GLIS3: variants seen among roughly 807,000 people sequenced by gnomAD.
GLIS3 encodes the protein GLIS family zinc finger 3.
In GLIS3, 53 loss-of-function variants were observed where a neutral mutation model predicts 78.6. That is an observed-to-expected ratio of 0.67 (90% CI 0.54 to 0.85). The LOEUF (loss-of-function observed/expected upper bound fraction) is 0.85, where lower values mean the gene tolerates loss of function less well. GLIS3 is among the 40% of genes least tolerant of loss of function. The pLI, the probability that GLIS3 is intolerant of heterozygous loss-of-function variation, is 0.00. For missense variants in GLIS3, 1,703 were observed against 1,231.1 expected (o/e 1.38, Z -5.74); for synonymous variants, 684 against 509.9 (o/e 1.34, Z -4.60).
In GLIS3 at chr9:3,935,178, C is replaced by A. The variant is rs571046565; in HGVS notation, c.1872+1850G>T. 6.6e-5 allele frequency among the ~76,000 whole-genome samples: 10 copies of A among 152,174 alleles called. No individual in the cohort carries two copies. In the South Asian group the frequency reaches 2.1e-3, roughly 32 times the overall value. ...AGGACCTAAATTTAAATAACAAATT[C>A]TTCAAGCAAGTATAGTTTGTTTTTA... On this transcript the variant is annotated intron_variant, in intron 5 of 10. Transcript: ENST00000381971.
the GLIS3 span, among the ~76,000 whole-genome samples, chr9:4,429,841 G>A: frequency 3.3e-5 from 5 of 152,040 alleles, no homozygotes; most frequent in Non-Finnish European, 7.4e-5. Flanking sequence ...GAAGATGAGA[G>A]CCTGAAACTA....
chr9:4,287,179 A>C (rs6476837), intron 1 of GLIS3, among the ~76,000 whole-genome samples: 141,227 of 152,208 alleles, frequency 0.93, 66,037 homozygotes, highest in Non-Finnish European at 0.98. Flanking sequence ...AGAATCAACA[A>C]CAGGATACTG....
At chr9:4,392,081 G>C in the GLIS3 span, among the ~76,000 whole-genome samples, 1 of 152,168 alleles carries the variant, frequency 6.6e-6, no homozygotes, top group Admixed American at 6.6e-5. Context: ...CAAGGAATGA[G>C]ATCATGTCCT....
intron 9 of GLIS3, among the ~76,000 whole-genome samples, chr9:3,850,418 TA>T (rs1819356409): frequency 6.6e-6 from 1 of 152,246 alleles, no homozygotes; most frequent in African/African-American, 2.4e-5. Context: ...CTTCTCTTGC[TA>T]TTCCAGCTTT....
intron 2 of GLIS3, among the ~76,000 whole-genome samples, chr9:4,222,907 CG>C (rs1204845368): frequency 1.3e-5 from 2 of 152,136 alleles, no homozygotes; most frequent in Non-Finnish European, 2.9e-5. Context: ...GCAGAGGGAA[CG>C]GGGAATAATG....
chr9:4,348,234 G>C (rs142147890), exon 1 of GLIS3: 39 of 152,250 alleles, frequency 2.6e-4, no homozygotes, highest in African/African-American at 6.7e-4. Context: ...TTTCTTACCT[G>C]AAAGAAATTC....
the GLIS3 span, among the ~76,000 whole-genome samples, chr9:4,443,960 T>G: frequency 1.3e-5 from 2 of 152,308 alleles, no homozygotes; most frequent in South Asian, 2.1e-4. Flanking sequence ...ACAGGTTATA[T>G]CCCATGCTTC....
At position 3,979,339 on chromosome 9, in the gene GLIS3, G is replaced by C. The variant is rs1166364179; in HGVS notation, c.1711-42150C>G. 2.6e-5 allele frequency among the ~76,000 whole-genome samples: 4 copies of C among 152,292 alleles called. No individual in the cohort carries two copies. In the South Asian group the frequency reaches 6.2e-4, roughly 24 times the overall value. On this transcript the variant is annotated intron_variant, in intron 4 of 10. Transcript: ENST00000381971. Reference sequence around the variant, plus strand: ...CCCTCACTGTTCTGGTCAACCTTCAGTGGTGTAGCCAAAGTTGTATTGACT... The same window carrying C: ...CCCTCACTGTTCTGGTCAACCTTCACTGGTGTAGCCAAAGTTGTATTGACT...
chr9:4,037,300 T>G (rs1450782202), intron 4 of GLIS3, among the ~76,000 whole-genome samples: 1 of 152,162 alleles, frequency 6.6e-6, no homozygotes, highest in Non-Finnish European at 1.5e-5. Flanking sequence ...ATTCTGTCAC[T>G]TCCTAGCTTT....
intron 4 of GLIS3, among the ~76,000 whole-genome samples, chr9:4,090,955 G>C (rs1291087916): frequency 2.0e-5 from 3 of 152,140 alleles, no homozygotes; most frequent in African/African-American, 7.2e-5. Context: ...TCTAACTTAG[G>C]TAAGTTCCTT....
intron 2 of GLIS3, among the ~76,000 whole-genome samples, chr9:4,336,195 G>A (rs928921421): frequency 6.6e-6 from 1 of 152,154 alleles, no homozygotes; most frequent in African/African-American, 2.4e-5. Context: ...CCTAATCTTG[G>A]GAGTCTCCAA....
rs79196238 is a variant in GLIS3, at chr9:3,966,486, T to C, written c.1711-29297A>G. On this transcript the variant is annotated intron_variant, in intron 4 of 10. Coordinates refer to ENST00000381971, the MANE Select transcript of GLIS3 (RefSeq NM_001042413.2). Reference sequence around the variant, plus strand: ...TGATGATATAAAAAAAGATGTCACATGAACTGCTTTAAAATTTTACCTCTT... The same window carrying C: ...TGATGATATAAAAAAAGATGTCACACGAACTGCTTTAAAATTTTACCTCTT... Among the ~76,000 whole-genome samples, 1,245 of 151,928 alleles carry C rather than the reference T, an allele frequency of 8.2e-3. 16 individuals are homozygous for C. Among genetic ancestry groups the C allele is most frequent in the African/African-American group, 0.028 (1,178 of 41,440 alleles).
At chr9:4,146,239 G>C (rs1834214245) in intron 2 of GLIS3, among the ~76,000 whole-genome samples, 1 of 152,150 alleles carries the variant, frequency 6.6e-6, no homozygotes, top group Non-Finnish European at 1.5e-5. Flanking sequence ...AATGTTGAAG[G>C]AAGGGGGGAC....
intron 2 of GLIS3, among the ~76,000 whole-genome samples, chr9:4,264,185 A>G (rs1015223596): frequency 2.6e-5 from 4 of 152,176 alleles, no homozygotes; most frequent in Non-Finnish European, 4.4e-5. Context: ...CATTCACTAC[A>G]TGTTCAAACC....
At chr9:4,340,871 T>G (rs1817824495) in intron 2 of GLIS3, among the ~76,000 whole-genome samples, 1 of 152,158 alleles carries the variant, frequency 6.6e-6, no homozygotes, top group African/African-American at 2.4e-5. Context: ...AATTTTTGTA[T>G]TATTAGTATA....
chr9:4,365,159 C>T, the GLIS3 span, among the ~76,000 whole-genome samples: 3,579 of 152,084 alleles, frequency 0.024, 152 homozygotes, highest in African/African-American at 0.083. Context: ...AGACATACTG[C>T]GAAGTGTTAT....
At chr9:4,127,840 A>G (rs564301281) in intron 2 of GLIS3, among the ~76,000 whole-genome samples, 9 of 152,354 alleles carry the variant, frequency 5.9e-5, no homozygotes, top group African/African-American at 2.2e-4. Flanking sequence ...TTTCCTTTTC[A>G]GAAAAAAGGT....
the GLIS3 span, among the ~76,000 whole-genome samples, chr9:4,389,477 C>T: frequency 2.4e-4 from 36 of 152,148 alleles, no homozygotes; most frequent in African/African-American, 8.4e-4. Flanking sequence ...CCAAAGGCTG[C>T]TGGAACTAAA....
chr9:4,364,749 TG>T, the GLIS3 span, among the ~76,000 whole-genome samples: 1 of 129,744 alleles, frequency 7.7e-6, no homozygotes, highest in African/African-American at 2.8e-5. Context: ...GCTGTCATCA[TG>T]TATTGCTTTT....
Sources: allele counts gnomAD v4.1 joint callset (sites outside exome capture counted in the v4.1 genomes callset), GRCh38; gene constraint gnomAD v4.1.1; transcripts MANE v1.5; gene names NCBI Gene and HGNC (gene_info 2026-07-23, HGNC 2026-07-21).